GSTA3: variants seen among roughly 807,000 people sequenced by gnomAD.
The protein encoded by GSTA3 is glutathione S-transferase A3.
A neutral mutation model predicts 23.1 loss-of-function variants in GSTA3; 16 were observed. The observed-to-expected ratio is 0.69, with a 90% confidence interval of 0.47 to 1.05. The LOEUF (loss-of-function observed/expected upper bound fraction) is 1.05. Ranked by LOEUF, GSTA3 falls within the 50% of genes least tolerant of loss-of-function variation. GSTA3 has a pLI of 0.00. For synonymous variants in GSTA3, 122 were observed against 91.0 expected, an observed-to-expected ratio of 1.34 and a Z score of -1.94; for missense variants, 319 against 263.6, an observed-to-expected ratio of 1.21 and a Z score of -1.46.
chr6:52,903,827 C>T (rs905110370), intron 2 of GSTA3, 100 bp from the exon 3 acceptor site: 44 of 714,762 alleles, frequency 6.2e-5, no homozygotes, highest in Non-Finnish European at 9.1e-5. Context: ...ATTTGGAGAA[C>T]ATAAGATTTC....
At position 52,905,704 on chromosome 6, in the gene GSTA3, C is replaced by G. The variant is rs1765867264; in HGVS notation, c.87+44G>C. Reference sequence around the variant, plus strand: ...CTTGGCTTACTAAAATATTTTGATACAGTCAATTAGGTCCAACTTAAGATG... The same window carrying G: ...CTTGGCTTACTAAAATATTTTGATAGAGTCAATTAGGTCCAACTTAAGATG... On this transcript the variant is annotated intron_variant, in intron 2 of 6. Transcript: ENST00000211122. 4 of 1,099,824 alleles carry G rather than the reference C, an allele frequency of 3.6e-6. No homozygotes were observed. The East Asian group carries it at 9.8e-5, about 27-fold the overall frequency. The allele number at this position is 1,099,824 out of a possible 1,614,324, so 68.1% of individuals were successfully genotyped here. A position where few individuals can be genotyped will look rare whatever the true frequency, so the allele number is the denominator to read the frequency against.
At chr6:52,906,391 G>C (rs1034077409) in intron 1 of GSTA3, among the ~76,000 whole-genome samples, 4 of 152,084 alleles carry the variant, frequency 2.6e-5, no homozygotes, top group Non-Finnish European at 4.4e-5. Context: ...CCTCATTATT[G>C]ACTATTTACA....
intron 1 of GSTA3, among the ~76,000 whole-genome samples, chr6:52,909,275 A>T (rs908039900): frequency 2.0e-5 from 3 of 151,794 alleles, no homozygotes; most frequent in Non-Finnish European, 2.9e-5. Context: ...TTGTGTGTTG[A>T]CTCCTGTGAA....
chr6:52,905,775 C>G lies in GSTA3; in HGVS notation c.60G>C (p.Arg20=). ...CCACTCCAGCTGCAGCCAAGAGCCA[C>G]CGGATGGGCTCCATTCTGCCCCGTC... ...FNGRGRMEPI[R]WLLAAAGVEF... Residue 20 remains arginine, a synonymous_variant, in exon 2 of 7, where the codon CGG becomes CGC. Transcript: ENST00000211122. 11 of 1,609,394 alleles carry G rather than the reference C, an allele frequency of 6.8e-6. No individual in the cohort carries two copies. The highest frequency in any genetic ancestry group is 8.5e-6 in the Non-Finnish European group (10 of 1,176,762).
intron 1 of GSTA3, among the ~76,000 whole-genome samples, chr6:52,907,857 G>A (rs1765945452): frequency 6.6e-6 from 1 of 151,112 alleles, no homozygotes. Context: ...ATAGCATTGG[G>A]AGATATACCT....
intron 5 of GSTA3, among the ~76,000 whole-genome samples, chr6:52,898,350 G>A (rs1390704033): frequency 6.6e-6 from 1 of 152,100 alleles, no homozygotes; most frequent in Non-Finnish European, 1.5e-5. Context: ...CCCTTGGGCA[G>A]TGACTCCACC....
intron 2 of GSTA3, among the ~76,000 whole-genome samples, chr6:52,904,277 A>C (rs1239019664): frequency 6.6e-6 from 1 of 152,050 alleles, no homozygotes; most frequent in Non-Finnish European, 1.5e-5. Context: ...GGTGTGACCC[A>C]CTGCTCCTGG....
At chr6:52,909,570 C>T (rs1766000374) in intron 1 of GSTA3, 71 bp downstream of exon 1, 1 of 152,194 alleles carries the variant, frequency 6.6e-6, no homozygotes, top group Admixed American at 6.5e-5. Context: ...CAAACTAACA[C>T]ATTTAAATTT....
intron 4 of GSTA3, among the ~76,000 whole-genome samples, chr6:52,901,785 T>TAAA (rs1292225329): frequency 6.6e-6 from 1 of 152,212 alleles, no homozygotes; most frequent in African/African-American, 2.4e-5. Flanking sequence ...TGGTATTCGA[T>TAAA]AAATCTAGCT....
At chr6:52,909,180 A>G (rs1412106941) in intron 1 of GSTA3, among the ~76,000 whole-genome samples, 1 of 152,184 alleles carries the variant, frequency 6.6e-6, no homozygotes, top group Non-Finnish European at 1.5e-5. Flanking sequence ...CTCTAGAGGA[A>G]TACGACCATC....
chr6:52,907,732 C>A (rs1297937728), intron 1 of GSTA3, among the ~76,000 whole-genome samples: 3 of 150,018 alleles, frequency 2.0e-5, no homozygotes, highest in Non-Finnish European at 4.4e-5. Flanking sequence ...GACAAAAAAA[C>A]CAAACACCGC....
At chr6:52,902,556 A>G in intron 3 of GSTA3, 78 bp from the exon 4 acceptor site, 1 of 1,383,846 alleles carries the variant, frequency 7.2e-7, no homozygotes, top group Non-Finnish European at 1.0e-6. Context: ...GATGGTTGAA[A>G]TGACTGAGGT....
rs1765724374 is a variant in GSTA3, at chr6:52,902,489, A to C, written c.140-11T>G. On this transcript the variant is annotated splice_polypyrimidine_tract_variant and intron_variant, in intron 3 of 6. Transcript: ENST00000211122. ...ACATCAAACTCCCATCTTTAGAAAG[A>C]AGGAAAAAAAAGGAACATGAAATTT... 1 of 1,595,446 alleles carries C rather than the reference A, an allele frequency of 6.3e-7. No homozygotes were observed. The highest frequency in any genetic ancestry group is 8.5e-7 in the Non-Finnish European group (1 of 1,173,430).
intron 4 of GSTA3, 59 bp from the exon 5 acceptor site, chr6:52,900,134 A>C: frequency 6.8e-7 from 1 of 1,464,730 alleles, no homozygotes; most frequent in Non-Finnish European, 9.3e-7. Flanking sequence ...TTGTAGGTTT[A>C]TAAAAACCTA....
At chr6:52,902,249 C>CCTGGTCATGATGCT in intron 4 of GSTA3, 97 bp downstream of exon 4, 3 of 1,485,460 alleles carry the variant, frequency 2.0e-6, no homozygotes, top group Non-Finnish European at 2.8e-6. Flanking sequence ...CCAGCCTGCT[C>CCTGGTCATGATGCT]CTGGTCATGA....
At chr6:52,903,645 T>G in intron 3 of GSTA3, 31 bp downstream of exon 3, 1 of 1,192,844 alleles carries the variant, frequency 8.4e-7, no homozygotes, top group Non-Finnish European at 1.2e-6. Context: ...CTAGATACCC[T>G]CATCAGAGGC....
At chr6:52,906,693 A>G (rs986428653) in intron 1 of GSTA3, among the ~76,000 whole-genome samples, 101 of 151,996 alleles carry the variant, frequency 6.6e-4, no homozygotes, top group African/African-American at 2.4e-3. Flanking sequence ...GACAAACCTG[A>G]CAAAAACAAG....
intron 4 of GSTA3, among the ~76,000 whole-genome samples, chr6:52,901,027 A>T (rs1765665625): frequency 6.6e-6 from 1 of 152,210 alleles, no homozygotes; most frequent in Non-Finnish European, 1.5e-5. Flanking sequence ...GTGAAATTCT[A>T]TACACAGTTA....
At chr6:52,898,483 T>G (rs1389858696) in intron 5 of GSTA3, among the ~76,000 whole-genome samples, 1 of 152,154 alleles carries the variant, frequency 6.6e-6, no homozygotes, top group Non-Finnish European at 1.5e-5. Context: ...ACGTTCTACT[T>G]AAAAACATAA....
Sources: allele counts gnomAD v4.1 joint callset (sites outside exome capture counted in the v4.1 genomes callset), GRCh38; gene constraint gnomAD v4.1.1; transcripts MANE v1.5; gene names NCBI Gene and HGNC (gene_info 2026-07-23, HGNC 2026-07-21).